Variants in ZMYND11 observed in about 807,000 individuals in gnomAD.
ZMYND11 encodes the protein zinc finger MYND-type containing 11.
ZMYND11 carries 9 observed loss-of-function variants against 84.9 expected under a neutral mutation model. The observed-to-expected ratio is 0.11, with a 90% CI of 0.06 to 0.18. ZMYND11 has a LOEUF of 0.18. ZMYND11 is among the 10% of genes least tolerant of loss of function. The pLI, the probability that ZMYND11 is intolerant of heterozygous loss-of-function variation, is 1.00. For synonymous variants in ZMYND11, 250 were observed against 244.1 expected (o/e 1.02, Z -0.23); for missense variants, 409 against 761.0 (o/e 0.54, Z 5.44).
intron 2 of ZMYND11, among the ~76,000 whole-genome samples, chr10:188,994 T>C (rs1939562702): frequency 6.6e-6 from 1 of 152,228 alleles, no homozygotes; most frequent in Admixed American, 6.5e-5. Context: ...CTAGTGGTGA[T>C]TACACTGTGA....
intron 2 of ZMYND11, among the ~76,000 whole-genome samples, chr10:209,054 G>T (rs991728773): frequency 1.1e-4 from 16 of 151,514 alleles, no homozygotes; most frequent in South Asian, 6.2e-4. Flanking sequence ...TATATATAGA[G>T]AGAGAGAGAG....
At position 228,163 on chromosome 10, in the gene ZMYND11, A is replaced by T. The variant is rs117988150; in HGVS notation, c.438+6807A>T. Among the ~76,000 whole-genome samples the T allele has an allele frequency of 4.9e-3, 754 of 152,338 alleles. 13 individuals carry two copies. The highest frequency in any genetic ancestry group is 0.044 in the East Asian group (226 of 5,192). On this transcript the variant is annotated intron_variant, in intron 4 of 14. Coordinates refer to ENST00000381604, the MANE Select transcript of ZMYND11 (RefSeq NM_001370100.5). Reference sequence around the variant, plus strand: ...AATTGGATCTACAATATAAAACTATAAAATCCTATGTATTGTTATCTAGGC... The same window carrying T: ...AATTGGATCTACAATATAAAACTATTAAATCCTATGTATTGTTATCTAGGC...
At chr10:130,760 G>A (rs1341041562), upstream of ZMYND11, among the ~76,000 whole-genome samples, 3 of 152,192 alleles carry the variant, frequency 2.0e-5, no homozygotes, top group Admixed American at 6.5e-5. Flanking sequence ...TCACTTGAAT[G>A]TCTCACAGTG....
intron 1 of ZMYND11, among the ~76,000 whole-genome samples, chr10:161,022 C>T (rs1842848422): frequency 7.0e-6 from 1 of 141,928 alleles, no homozygotes; most frequent in African/African-American, 2.7e-5. Context: ...AGTGCAGTGG[C>T]ACAAACAGGG....
Position 149,285 on chromosome 10 carries a change from G to GTTGTTATTATTA in ZMYND11, c.-20+13728_-20+13729insGTTATTATTATT, listed in dbSNP as rs1442758095. Among the ~76,000 whole-genome samples, 75 of 139,312 alleles carry GTTGTTATTATTA rather than the reference G, an allele frequency of 5.4e-4. No homozygotes were observed. The East Asian group carries it at 8.9e-3, about 17-fold the overall frequency. 91.4% of individuals were successfully genotyped at this position (139,312 alleles called of 152,430 possible). ...TGTGAGGCAGAACACTGAGGTGGTT[G>GTTGTTATTATTA]TTATTATTATTATTATTATTATTAT... On this transcript the variant is annotated intron_variant, in intron 1 of 14. Coordinates refer to ENST00000381604, the MANE Select transcript of ZMYND11 (RefSeq NM_001370100.5).
chr10:157,808 C>A (rs1842049917), intron 1 of ZMYND11, among the ~76,000 whole-genome samples: 1 of 152,180 alleles, frequency 6.6e-6, no homozygotes, highest in South Asian at 2.1e-4. Context: ...GCCGTTACCA[C>A]CGTCTAATTC....
At chr10:135,367 TCCGGGCGGGGG>T (rs1835681336), upstream of ZMYND11, 1 of 144,766 alleles carries the variant, frequency 6.9e-6, no homozygotes, top group African/African-American at 2.6e-5. This position sits in a 1 kb window ranked among gnomAD's most constrained non-coding sequence, Gnocchi z 5.6. Flanking sequence ...GGCGGCGGGG[TCCGGGCGGGGG>T]GGAGCCGGGG....
intron 1 of ZMYND11, among the ~76,000 whole-genome samples, chr10:157,190 G>T (rs149893779): frequency 6.6e-6 from 1 of 152,162 alleles, no homozygotes; most frequent in East Asian, 1.9e-4. Flanking sequence ...GAAAATTTCC[G>T]TAATAGCTTT....
At chr10:236,164 A>G (rs187152659) in intron 4 of ZMYND11, among the ~76,000 whole-genome samples, 37 of 152,314 alleles carry the variant, frequency 2.4e-4, no homozygotes, top group Admixed American at 2.2e-3. Context: ...GGCTGTTGTA[A>G]TATCAGGGAC....
intron 10 of ZMYND11, among the ~76,000 whole-genome samples, chr10:244,833 A>C (rs1951799104): frequency 6.6e-6 from 1 of 152,224 alleles, no homozygotes; most frequent in African/African-American, 2.4e-5. Context: ...ACAGTACTGG[A>C]GTTGATTAAA....
intron 10 of ZMYND11, among the ~76,000 whole-genome samples, chr10:244,790 G>A (rs538021864): frequency 1.3e-5 from 2 of 152,306 alleles, no homozygotes; most frequent in Admixed American, 6.5e-5. Context: ...AGCATACCCC[G>A]TGATAATCAG....
intron 1 of ZMYND11, among the ~76,000 whole-genome samples, chr10:167,588 T>C (rs1337744894): frequency 6.6e-6 from 1 of 152,128 alleles, no homozygotes; most frequent in Non-Finnish European, 1.5e-5. Flanking sequence ...CTAATGTACT[T>C]TGATCCAAAC....
chr10:191,144 T>A (rs1271932151), intron 2 of ZMYND11, among the ~76,000 whole-genome samples: 1 of 152,200 alleles, frequency 6.6e-6, no homozygotes, highest in Non-Finnish European at 1.5e-5. Flanking sequence ...AGCACTGTGC[T>A]TTATATAATT....
At chr10:136,242 G>T (rs184883948) in intron 1 of ZMYND11, among the ~76,000 whole-genome samples, 6 of 152,290 alleles carry the variant, frequency 3.9e-5, no homozygotes, top group African/African-American at 1.4e-4. Flanking sequence ...TGGGACGAGG[G>T]GGGGCGCCGG....
chr10:221,171 A>AT, intron 3 of ZMYND11, 24 bp from the exon 4 acceptor site: 1 of 1,610,490 alleles, frequency 6.2e-7, no homozygotes, highest in South Asian at 1.1e-5. Flanking sequence ...ATGTCATACA[A>AT]AACTATTTTG....
At chr10:158,601 T>G (rs1189930366) in intron 1 of ZMYND11, among the ~76,000 whole-genome samples, 9 of 149,656 alleles carry the variant, frequency 6.0e-5, no homozygotes, top group African/African-American at 2.5e-5. Context: ...TTTTTTTTTT[T>G]GTAGAGACGG....
intron 1 of ZMYND11, among the ~76,000 whole-genome samples, chr10:173,349 A>G (rs1845815284): frequency 6.6e-6 from 1 of 152,254 alleles, no homozygotes; most frequent in Non-Finnish European, 1.5e-5. Context: ...TTGTGATGAC[A>G]GGCTACAGAC....
chr10:175,870 A>G (rs1316813857), intron 1 of ZMYND11, among the ~76,000 whole-genome samples: 1 of 152,232 alleles, frequency 6.6e-6, no homozygotes, highest in African/African-American at 2.4e-5. Flanking sequence ...AAAACATTTT[A>G]TGCAGTATAC....
At chr10:194,380 A>G (rs1941234284) in intron 2 of ZMYND11, among the ~76,000 whole-genome samples, 1 of 152,190 alleles carries the variant, frequency 6.6e-6, no homozygotes, top group South Asian at 2.1e-4. Context: ...GGAGGCAATT[A>G]TGGCAAAACT....
Sources: gnomAD v4.1 joint callset for allele counts (sites outside exome capture counted in the v4.1 genomes callset) on GRCh38, gnomAD v4.1.1 for gene constraint, Gnocchi (gnomAD v3.1) non-coding constraint, MANE v1.5 for transcripts, NCBI Gene and HGNC (gene_info 2026-07-23, HGNC 2026-07-21) for gene names.